Variants in ETFA observed in about 807,000 individuals in gnomAD.
ETFA encodes the protein electron transfer flavoprotein subunit alpha, also known as electron transfer flavoprotein subunit alpha, mitochondrial.
In ETFA, 22 loss-of-function variants were observed where a neutral mutation model predicts 46.2. The ratio of observed to expected loss-of-function variants is 0.48; its 90% CI spans 0.34 to 0.68. ETFA has a LOEUF of 0.68. ETFA is among the 30% of genes least tolerant of loss of function. The pLI is 0.01. For synonymous variants in ETFA, 131 were observed against 139.9 expected (o/e 0.94, Z 0.45); for missense variants, 345 against 401.1 (o/e 0.86, Z 1.19).
intron 4 of ETFA, among the ~76,000 whole-genome samples, chr15:76,291,094 T>C (rs1317334808): frequency 6.6e-6 from 1 of 152,078 alleles, no homozygotes; most frequent in East Asian, 1.9e-4. Context: ...CATGTACCTG[T>C]AGTCCTAGCT....
At chr15:76,252,897 CT>C (rs11303378) in intron 9 of ETFA, among the ~76,000 whole-genome samples, 91,554 of 129,882 alleles carry the variant, frequency 0.7, 33,929 homozygotes, top group East Asian at 0.93. Flanking sequence ...ACACAGAGTA[CT>C]TTTTTTTTTT....
chr15:76,260,586 A>G (rs1295207581), intron 9 of ETFA: 27 of 1,508,148 alleles, frequency 1.8e-5, no homozygotes, highest in Non-Finnish European at 2.2e-5. Context: ...GGTCCCCTCC[A>G]TTGTCAGCTC....
intron 9 of ETFA, chr15:76,261,213 G>C: frequency 6.4e-7 from 1 of 1,551,026 alleles, no homozygotes; most frequent in Non-Finnish European, 8.9e-7. Context: ...CAGGTTCAGG[G>C]GGACCCACAG....
chr15:76,291,540 G>A (rs1014516922), intron 4 of ETFA, among the ~76,000 whole-genome samples: 1 of 150,620 alleles, frequency 6.6e-6, no homozygotes, highest in Non-Finnish European at 1.5e-5. Context: ...CACGAGGTCA[G>A]GAGATCAAGA....
At chr15:76,230,124 G>A (rs2039049240) in intron 10 of ETFA, 1 of 150,554 alleles carries the variant, frequency 6.6e-6, no homozygotes, top group African/African-American at 2.4e-5. Flanking sequence ...CTCCAGCCTG[G>A]GCGACTTCAG....
intron 10 of ETFA, chr15:76,227,989 C>T (rs2142109940): frequency 2.2e-6 from 1 of 455,912 alleles, no homozygotes; most frequent in South Asian, 1.5e-5. Flanking sequence ...TCCAAAGGCA[C>T]AAGAACAAAC....
rs71143303 is a variant in ETFA at position 76,249,129 on chromosome 15, ATTT to A, written c.817-17734_817-17732del. Among the ~76,000 whole-genome samples the A allele has an allele frequency of 2.8e-5, 4 of 140,690 alleles. No individual in the cohort carries two copies. In the East Asian group the frequency reaches 6.2e-4, roughly 22 times the overall value. The allele number at this position is 140,690 out of a possible 152,430, so 92.3% of individuals were successfully genotyped here. On this transcript the variant is annotated intron_variant, in intron 9 of 11. Coordinates refer to ENST00000557943, the MANE Select transcript of ETFA (RefSeq NM_000126.4). ...ATATAACATAAAATTTACCATAGTA[ATTT>A]TTTTTTTTTTTTTGAGACGGAGTTT...
At chr15:76,267,341 A>G (rs2141505586) in intron 9 of ETFA, among the ~76,000 whole-genome samples, 1 of 152,376 alleles carries the variant, frequency 6.6e-6, no homozygotes, top group East Asian at 1.9e-4. Context: ...CTAATGGGAT[A>G]TGATCCAAAT....
intron 9 of ETFA, among the ~76,000 whole-genome samples, chr15:76,249,888 T>C (rs1209928431): frequency 2.0e-5 from 3 of 152,220 alleles, no homozygotes; most frequent in Non-Finnish European, 4.4e-5. Context: ...TTCAGAGAGC[T>C]GTTAAAACTG....
chr15:76,286,568 C>A lies in ETFA; in HGVS notation c.452-87G>T, dbSNP rs2039706813. 6.1e-6 allele frequency: 5 copies of A among 813,832 alleles called. No individual in the cohort carries two copies. The South Asian group carries it at 7.2e-5, about 12-fold the overall frequency. The allele number at this position is 813,832 out of a possible 1,614,324, so 50.4% of individuals were successfully genotyped here. A position where few individuals can be genotyped will look rare whatever the true frequency, so the allele number is the denominator to read the frequency against. ...TGATGCTTGGAATTTACTTCACAGA[C>A]AAGGCAAGAAATAACTATTGACCAG... On this transcript the variant is annotated intron_variant, in intron 5 of 11. Coordinates refer to ENST00000557943, the MANE Select transcript of ETFA (RefSeq NM_000126.4).
intron 9 of ETFA, among the ~76,000 whole-genome samples, chr15:76,266,848 G>A (rs1445844276): frequency 6.6e-6 from 1 of 151,700 alleles, no homozygotes; most frequent in East Asian, 1.9e-4. Flanking sequence ...AGCTTGCAGT[G>A]AGCTGAGATC....
intron 4 of ETFA, among the ~76,000 whole-genome samples, chr15:76,290,816 G>T (rs2039753465): frequency 6.6e-6 from 1 of 152,156 alleles, no homozygotes; most frequent in South Asian, 2.1e-4. Flanking sequence ...AGGGTGAGTT[G>T]GGAATAAGAA....
chr15:76,290,086 G>A (rs963964468), intron 4 of ETFA, among the ~76,000 whole-genome samples: 2 of 152,174 alleles, frequency 1.3e-5, no homozygotes, highest in African/African-American at 4.8e-5. Flanking sequence ...ACTACCAAGT[G>A]TTGACAATTA....
chr15:76,306,577 C>T (rs11634796), intron 1 of ETFA, among the ~76,000 whole-genome samples: 39,343 of 151,494 alleles, frequency 0.26, 5,807 homozygotes, highest in East Asian at 0.58. Flanking sequence ...TTTTTTGCTT[C>T]TTAATTAAAA....
intron 10 of ETFA, among the ~76,000 whole-genome samples, chr15:76,229,710 C>A (rs141448249): frequency 5.9e-5 from 9 of 152,146 alleles, no homozygotes; most frequent in African/African-American, 2.2e-4. Context: ...TAAAATCTGA[C>A]TGGTTTTGGG....
chr15:76,227,530 G>GAAAAAAAAAAAAAAAAAAAAA (rs1567196426), intron 10 of ETFA, among the ~76,000 whole-genome samples: 2 of 44,980 alleles, frequency 4.4e-5, no homozygotes, highest in African/African-American at 1.6e-4. Flanking sequence ...AAAAAAAAAG[G>GAAAAAAAAAAAAAAAAAAAAA]AAAAGCTATC....
Position 76,283,841 on chromosome 15 carries a change from GA to G in ETFA, c.665-17del, listed in dbSNP as rs144403864. ...AAGCCTCGACCTCATTTAAAAAGAT[GA>G]AAAAAAAAAATTAGGCAAACATCAA... On this transcript the variant is annotated splice_polypyrimidine_tract_variant and intron_variant, in intron 7 of 11. Coordinates refer to ENST00000557943, the MANE Select transcript of ETFA (RefSeq NM_000126.4). The G allele has an allele frequency of 0.01, 12,979 of 1,287,288 alleles. 1 individual carries two copies. The highest frequency in any genetic ancestry group is 0.012 in the Admixed American group (553 of 45,638). The allele number at this position is 1,287,288 out of a possible 1,614,324, so 79.7% of individuals were successfully genotyped here. A position where few individuals can be genotyped will look rare whatever the true frequency, so the allele number is the denominator to read the frequency against.
At chr15:76,219,379 G>C (rs1332907450) in intron 11 of ETFA, among the ~76,000 whole-genome samples, 1 of 152,078 alleles carries the variant, frequency 6.6e-6, no homozygotes, top group Non-Finnish European at 1.5e-5. Context: ...ACTCTTATAA[G>C]AAAACAGGGG....
intron 10 of ETFA, chr15:76,228,751 C>CTTT (rs990306452): frequency 0.011 from 1,229 of 115,272 alleles, 23 homozygotes; most frequent in African/African-American, 0.021. Flanking sequence ...ATTATTATTA[C>CTTT]TTTTTTTTTT....
Sources: gnomAD v4.1 joint callset for allele counts (sites outside exome capture counted in the v4.1 genomes callset) on GRCh38, gnomAD v4.1.1 for gene constraint, MANE v1.5 for transcripts, NCBI Gene and HGNC (gene_info 2026-07-23, HGNC 2026-07-21) for gene names.